The following NAALADL2 variants were observed in gnomAD, a reference collection of about 807,000 sequenced individuals.
NAALADL2 encodes N-acetylated alpha-linked acidic dipeptidase like 2, also known as inactive N-acetylated-alpha-linked acidic dipeptidase-like protein 2.
NAALADL2 carries 76 observed loss-of-function variants against 87.2 expected under a neutral mutation model. The ratio of observed to expected loss-of-function variants is 0.87; its 90% confidence interval spans 0.72 to 1.05. The LOEUF (loss-of-function observed/expected upper bound fraction) is 1.05, where lower values mean the gene tolerates loss of function less well. NAALADL2 is among the 50% of genes least tolerant of loss of function. NAALADL2 has a pLI of 0.00. For missense variants in NAALADL2, 1,089 were observed against 945.8 expected (o/e 1.15, Z -1.99); for synonymous variants, 354 against 331.0 (o/e 1.07, Z -0.75).
intron 2 of NAALADL2, among the ~76,000 whole-genome samples, chr3:175,188,905 C>A (rs1432946054): frequency 6.7e-6 from 1 of 149,554 alleles, no homozygotes; most frequent in Non-Finnish European, 1.5e-5. Flanking sequence ...AGCCCGAGAT[C>A]ACACTTTTTT....
At position 175,730,395 on chromosome 3, in the gene NAALADL2, GATATATATATATATATAT is replaced by G. The variant is rs5854656; in HGVS notation, c.1897-6879_1897-6862del. Among the ~76,000 whole-genome samples, 302 of 55,742 alleles carry G rather than the reference GATATATATATATATATAT, an allele frequency of 5.4e-3. 3 individuals carry two copies. The highest frequency in any genetic ancestry group is 0.013 in the Admixed American group (56 of 4,322). The allele number at this position is 55,742 out of a possible 152,430, so 36.6% of individuals were successfully genotyped here. A position where few individuals can be genotyped will look rare whatever the true frequency, so the allele number is the denominator to read the frequency against. ...GAGTATTTTCAGAAAACTTAATACA[GATATATATATATATATAT>G]ATATATATATATATATATATATATA... On this transcript the variant is annotated intron_variant, in intron 11 of 13. Coordinates refer to ENST00000454872, the MANE Select transcript of NAALADL2 (RefSeq NM_207015.3).
chr3:175,126,190 G>T (rs1476014323), intron 2 of NAALADL2, among the ~76,000 whole-genome samples: 1 of 152,022 alleles, frequency 6.6e-6, no homozygotes, highest in Admixed American at 6.6e-5. Flanking sequence ...TCATTGGAGT[G>T]GATTCAGGTG....
At chr3:174,530,901 A>G (rs1361718471) in intron 1 of NAALADL2, among the ~76,000 whole-genome samples, 1 of 152,254 alleles carries the variant, frequency 6.6e-6, no homozygotes, top group Non-Finnish European at 1.5e-5. Flanking sequence ...GACTTAAAAT[A>G]TTGAAAGGAA....
chr3:175,787,298 C>T (rs1423020579), intron 13 of NAALADL2, among the ~76,000 whole-genome samples: 5 of 152,010 alleles, frequency 3.3e-5, no homozygotes, highest in Non-Finnish European at 7.4e-5. Flanking sequence ...ATGGCGGGTG[C>T]CCCTCCCCCA....
At chr3:175,226,645 G>A (rs908563318) in intron 2 of NAALADL2, among the ~76,000 whole-genome samples, 1 of 152,040 alleles carries the variant, frequency 6.6e-6, no homozygotes, top group African/African-American at 2.4e-5. Flanking sequence ...AGTTTTTTGT[G>A]ATGATTAAGC....
chr3:174,461,178 A>AT (rs1716193366), intron 1 of NAALADL2, among the ~76,000 whole-genome samples: 1 of 152,024 alleles, frequency 6.6e-6, no homozygotes, highest in Non-Finnish European at 1.5e-5. Flanking sequence ...GTACAGTTTA[A>AT]TTTTTTTCTA....
chr3:175,533,321 C>G (rs190673713), intron 9 of NAALADL2, among the ~76,000 whole-genome samples: 23 of 152,308 alleles, frequency 1.5e-4, no homozygotes, highest in Admixed American at 5.2e-4. Context: ...CACCCTTGCC[C>G]CTAGGGGCCC....
At chr3:175,318,709 T>A (rs556643728) in intron 4 of NAALADL2, among the ~76,000 whole-genome samples, 122 of 152,326 alleles carry the variant, frequency 8.0e-4, no homozygotes, top group Middle Eastern at 6.8e-3. Context: ...TGATATATGA[T>A]GAATGTAACA....
At chr3:175,386,999 A>G (rs1199183679) in intron 5 of NAALADL2, among the ~76,000 whole-genome samples, 2 of 152,150 alleles carry the variant, frequency 1.3e-5, no homozygotes, top group African/African-American at 4.8e-5. Flanking sequence ...GAAAGAAAAA[A>G]ACTTATTCTA....
intron 2 of NAALADL2, among the ~76,000 whole-genome samples, chr3:174,617,987 A>G (rs1209140487): frequency 6.6e-6 from 1 of 151,784 alleles, no homozygotes; most frequent in African/African-American, 2.4e-5. Context: ...AAAGAAGAGG[A>G]CAGCATCTTA....
rs759640436 is a variant in NAALADL2 at position 175,256,491 on chromosome 3, C to T, written c.900C>T (p.Ile300=). The change falls in exon 4 of 14, where the codon ATC becomes ATT. Residue 300 remains isoleucine (I), a synonymous_variant. Coordinates refer to ENST00000454872, the MANE Select transcript of NAALADL2 (RefSeq NM_207015.3). The part of the protein sequence containing the change: ...IRKIKNVTNQ[I]ALLKLGKLPL... ...AAATAAAAAACGTAACAAATCAGAT[C>T]GCACTCCTGAAATTAGGAAAATTGC... 3.3e-5 allele frequency: 53 copies of T among 1,612,548 alleles called. No homozygotes were observed. Among genetic ancestry groups the T allele is most frequent in the African/African-American group, 2.5e-4 (19 of 74,826 alleles).
At chr3:174,500,923 C>G (rs951772466) in intron 1 of NAALADL2, among the ~76,000 whole-genome samples, 1 of 150,572 alleles carries the variant, frequency 6.6e-6, no homozygotes, top group Non-Finnish European at 1.5e-5. Flanking sequence ...GTGGCAAAGT[C>G]TCAGCTCACT....
chr3:174,508,114 G>GTTTTTTTTTTTTTGTTTTT (rs57393523), intron 1 of NAALADL2, among the ~76,000 whole-genome samples: 1 of 103,882 alleles, frequency 9.6e-6, no homozygotes, highest in Non-Finnish European at 1.9e-5. Flanking sequence ...ATATCTAGTG[G>GTTTTTTTTTTTTTGTTTTT]TTTTTTTTTT....
At chr3:175,690,929 TC>T (rs1291538052) in intron 11 of NAALADL2, among the ~76,000 whole-genome samples, 1 of 151,912 alleles carries the variant, frequency 6.6e-6, no homozygotes, top group African/African-American at 2.4e-5. Context: ...TACTGTCAGT[TC>T]TTCTATGTTG....
intron 5 of NAALADL2, among the ~76,000 whole-genome samples, chr3:175,389,310 C>T (rs936317991): frequency 3.9e-5 from 6 of 152,090 alleles, no homozygotes; most frequent in East Asian, 1.9e-4. Context: ...CTGGCAACGA[C>T]GCCACCTGGC....
At chr3:175,285,910 A>C (rs532998696) in intron 4 of NAALADL2, among the ~76,000 whole-genome samples, 1 of 152,314 alleles carries the variant, frequency 6.6e-6, no homozygotes, top group South Asian at 2.1e-4. Context: ...AGTGCTATGT[A>C]TTCATAAAAT....
Position 175,463,432 on chromosome 3 carries a change from A to G in NAALADL2, c.1266A>G (p.Thr422=). Residue 422 remains threonine, a synonymous_variant, in exon 7 of 14, where the codon ACA becomes ACG. Transcript: ENST00000454872. ...EIRVVSMQVQ[T]VTKLKTVTNV... ...GAGTCGTCAGCATGCAAGTTCAGAC[A>G]GTCACAAAATTGAAAACAGTTACTA... is the stretch of plus-strand genomic sequence containing the variant. 1 of 1,598,572 alleles carries G rather than the reference A, an allele frequency of 6.3e-7. No homozygotes were observed. The highest frequency in any genetic ancestry group is 1.7e-4 in the Middle Eastern group (1 of 6,014).
chr3:175,768,698 A>G (rs903449572), intron 13 of NAALADL2, among the ~76,000 whole-genome samples: 1 of 152,058 alleles, frequency 6.6e-6, no homozygotes, highest in African/African-American at 2.4e-5. Context: ...AAAAATACAA[A>G]AAAATTAGCT....
chr3:175,445,617 C>T (rs1358775220), intron 5 of NAALADL2, among the ~76,000 whole-genome samples: 1 of 152,048 alleles, frequency 6.6e-6, no homozygotes, highest in African/African-American at 2.4e-5. Context: ...TCCCTTTTCT[C>T]CTTTTTCCTA....
Sources: gnomAD v4.1 joint callset for allele counts (sites outside exome capture counted in the v4.1 genomes callset) on GRCh38, gnomAD v4.1.1 for gene constraint, MANE v1.5 for transcripts, NCBI Gene and HGNC (gene_info 2026-07-23, HGNC 2026-07-21) for gene names.